Variants in ZBTB16 observed in about 807,000 individuals in gnomAD.
The protein encoded by ZBTB16 is zinc finger and BTB domain containing 16, also known as zinc finger and BTB domain-containing protein 16.
A neutral mutation model predicts 56.8 loss-of-function variants in ZBTB16; 8 were observed. The observed-to-expected ratio is 0.14, with a 90% confidence interval of 0.08 to 0.25. The LOEUF is 0.25. ZBTB16 is among the 10% of genes least tolerant of loss of function. ZBTB16 has a pLI of 1.00. For synonymous variants in ZBTB16, 363 were observed against 368.5 expected, an observed-to-expected ratio of 0.98 and a Z score of 0.17; for missense variants, 625 against 903.0, an observed-to-expected ratio of 0.69 and a Z score of 3.95.
chr11:114,077,081 C>A (rs1939596030), intron 2 of ZBTB16, among the ~76,000 whole-genome samples: 1 of 152,166 alleles, frequency 6.6e-6, no homozygotes, highest in African/African-American at 2.4e-5. Flanking sequence ...GATGTAATTG[C>A]TTCCAGATAT....
At chr11:114,163,762 T>C (rs1162438693) in intron 3 of ZBTB16, among the ~76,000 whole-genome samples, 3 of 152,202 alleles carry the variant, frequency 2.0e-5, no homozygotes, top group African/African-American at 4.8e-5. Flanking sequence ...TTGGGGAAGC[T>C]CGTTCCATCT....
intron 3 of ZBTB16, among the ~76,000 whole-genome samples, chr11:114,185,301 G>A (rs375922372): frequency 2.9e-3 from 440 of 152,312 alleles, no homozygotes; most frequent in African/African-American, 0.01. Flanking sequence ...TAAGGGACTT[G>A]AGTGCTTGAT....
At chr11:114,131,503 T>C (rs144869956) in intron 2 of ZBTB16, among the ~76,000 whole-genome samples, 2 of 152,324 alleles carry the variant, frequency 1.3e-5, no homozygotes, top group African/African-American at 2.4e-5. Flanking sequence ...ACAGAACAAA[T>C]AGGGAAGCCT....
At chr11:114,210,293 T>C (rs1008801274) in intron 4 of ZBTB16, among the ~76,000 whole-genome samples, 31 of 152,146 alleles carry the variant, frequency 2.0e-4, no homozygotes, top group African/African-American at 6.5e-4. Flanking sequence ...CAAAAGCCGG[T>C]GGGGTGGGAC....
chr11:114,238,690 G>A lies in ZBTB16; in HGVS notation c.1454-3477G>A, dbSNP rs115203531. ...CTTTCATGGCACTGCATTGCCTGTA[G>A]AATAAAGTCCAACCTGTCCTGCCTG... On this transcript the variant is annotated intron_variant, in intron 4 of 6. Transcript: ENST00000335953. 4.8e-3 allele frequency among the ~76,000 whole-genome samples: 736 copies of A among 152,012 alleles called. 6 individuals carry two copies. The highest frequency in any genetic ancestry group is 0.015 in the African/African-American group (619 of 41,360).
chr11:114,096,184 A>G (rs990067824), intron 2 of ZBTB16, among the ~76,000 whole-genome samples: 5 of 152,186 alleles, frequency 3.3e-5, no homozygotes, highest in African/African-American at 1.2e-4. Flanking sequence ...GGAGGCACCT[A>G]AAATTGCCTT....
rs556945872 is a variant in ZBTB16, at chr11:114,256,636, C to T, written c.*6081C>T. Among the ~76,000 whole-genome samples, 23 of 152,040 alleles carry T rather than the reference C, an allele frequency of 1.5e-4. No individual in the cohort carries two copies. The highest frequency in any genetic ancestry group is 5.3e-4 in the African/African-American group (22 of 41,512). On this transcript the variant is annotated 3_prime_UTR_variant, in exon 7 of 7. Coordinates refer to ENST00000335953, the MANE Select transcript of ZBTB16 (RefSeq NM_006006.6). ...CCACACAATCAAAGGTCCCTGCCTGCGTCTGTAGCAGCCAAGAGCTGTTAA... is the reference window on the plus strand; with the variant it reads ...CCACACAATCAAAGGTCCCTGCCTGTGTCTGTAGCAGCCAAGAGCTGTTAA...
intron 4 of ZBTB16, among the ~76,000 whole-genome samples, chr11:114,208,463 G>A (rs915207454): frequency 1.3e-5 from 2 of 152,092 alleles, no homozygotes; most frequent in African/African-American, 4.8e-5. Context: ...ACCTCAAAAA[G>A]GGATGTGAGG....
chr11:114,105,179 G>C (rs115148014), intron 2 of ZBTB16, among the ~76,000 whole-genome samples: 1 of 151,766 alleles, frequency 6.6e-6, no homozygotes, highest in South Asian at 2.1e-4. Context: ...TTTTGAAAAA[G>C]CCTGTGAGTG....
At chr11:114,231,217 A>G (rs1944436995) in intron 4 of ZBTB16, among the ~76,000 whole-genome samples, 1 of 152,328 alleles carries the variant, frequency 6.6e-6, no homozygotes, top group East Asian at 1.9e-4. Flanking sequence ...CCTCCCGTGA[A>G]GCTCTGGACA....
intron 4 of ZBTB16, among the ~76,000 whole-genome samples, chr11:114,230,645 G>C (rs609150): frequency 8.7e-6 from 1 of 114,418 alleles, no homozygotes; most frequent in African/African-American, 3.8e-5. Flanking sequence ...GGGGGGGCGG[G>C]AAGGAGAGGA....
intron 3 of ZBTB16, among the ~76,000 whole-genome samples, chr11:114,163,591 C>T (rs976610034): frequency 3.3e-5 from 5 of 152,014 alleles, no homozygotes; most frequent in South Asian, 2.1e-4. Flanking sequence ...CCAGCTGAAC[C>T]GAGAAAGTTG....
At chr11:114,239,049 G>A (rs1944650830) in intron 4 of ZBTB16, among the ~76,000 whole-genome samples, 1 of 152,168 alleles carries the variant, frequency 6.6e-6, no homozygotes, top group African/African-American at 2.4e-5. Context: ...GTGGCTCAGT[G>A]AGTTGGCTGA....
At chr11:114,122,669 C>T (rs1319657328) in intron 2 of ZBTB16, among the ~76,000 whole-genome samples, 3 of 152,108 alleles carry the variant, frequency 2.0e-5, no homozygotes, top group East Asian at 3.8e-4. Context: ...AGTCTTTGCA[C>T]GTATTTCCAT....
chr11:114,102,018 C>T (rs761905119), intron 2 of ZBTB16, among the ~76,000 whole-genome samples: 8 of 152,096 alleles, frequency 5.3e-5, no homozygotes, highest in African/African-American at 9.7e-5. Context: ...TTTTCCCTTG[C>T]CTTTTGGCTC....
chr11:114,070,443 G>A (rs1036467076), intron 2 of ZBTB16, among the ~76,000 whole-genome samples: 5 of 152,306 alleles, frequency 3.3e-5, no homozygotes, highest in African/African-American at 7.2e-5. Context: ...AGTTTTGGTC[G>A]TTGAAGCACC....
intron 4 of ZBTB16, among the ~76,000 whole-genome samples, chr11:114,233,081 GCACACACACACACACA>G (rs1198148768): frequency 1.1e-5 from 1 of 87,478 alleles, no homozygotes; most frequent in African/African-American, 4.4e-5. Context: ...GCGCGCGCGC[GCACACACACACACACA>G]CACACACACA....
At chr11:114,181,245 T>C (rs1473091548) in intron 3 of ZBTB16, among the ~76,000 whole-genome samples, 1 of 152,248 alleles carries the variant, frequency 6.6e-6, no homozygotes, top group African/African-American at 2.4e-5. Flanking sequence ...TGCGACTTAC[T>C]GGTTCTGTAT....
intron 2 of ZBTB16, among the ~76,000 whole-genome samples, chr11:114,090,300 A>G (rs1481894425): frequency 6.6e-6 from 1 of 152,076 alleles, no homozygotes; most frequent in African/African-American, 2.4e-5. Flanking sequence ...CTGAGGCCTG[A>G]TGGTGTTGGG....
Sources: allele counts gnomAD v4.1 joint callset (sites outside exome capture counted in the v4.1 genomes callset), GRCh38; gene constraint gnomAD v4.1.1; transcripts MANE v1.5; gene names NCBI Gene and HGNC (gene_info 2026-07-23, HGNC 2026-07-21).